Variants in INPP5A observed in about 807,000 individuals in gnomAD.
INPP5A encodes the protein inositol polyphosphate-5-phosphatase A.
Under a neutral mutation model 65.2 loss-of-function variants are expected in INPP5A, and 14 were observed. That is an observed-to-expected ratio of 0.21 (90% CI 0.14 to 0.34). The LOEUF is 0.34. Among genes scored for constraint, INPP5A ranks in the 10% least tolerant of loss-of-function variants. INPP5A has a pLI of 1.00. For synonymous variants in INPP5A, 207 were observed against 208.3 expected, an observed-to-expected ratio of 0.99 and a Z score of 0.05; for missense variants, 431 against 545.6, an observed-to-expected ratio of 0.79 and a Z score of 2.09.
At chr10:132,595,780 C>G (rs2071678297) in intron 1 of INPP5A, among the ~76,000 whole-genome samples, 2 of 152,154 alleles carry the variant, frequency 1.3e-5, no homozygotes, top group African/African-American at 4.8e-5. Flanking sequence ...TTGTAATTCT[C>G]TTATAAATGA....
chr10:132,739,261 A>C, intron 9 of INPP5A, among the ~76,000 whole-genome samples: 1 of 146,048 alleles, frequency 6.8e-6, no homozygotes, highest in Non-Finnish European at 1.6e-5. Flanking sequence ...GAGCATGGGC[A>C]CGTGCCCCCG....
intron 8 of INPP5A, among the ~76,000 whole-genome samples, chr10:132,715,464 T>C (rs923241271): frequency 6.6e-6 from 1 of 152,220 alleles, no homozygotes; most frequent in Non-Finnish European, 1.5e-5. Context: ...AAGGAAATGA[T>C]TGCCAGAAAA....
intron 1 of INPP5A, among the ~76,000 whole-genome samples, chr10:132,544,198 G>T (rs1280598988): frequency 6.6e-6 from 1 of 152,234 alleles, no homozygotes; most frequent in Non-Finnish European, 1.5e-5. Context: ...ATCTCTGTGT[G>T]GGTGCCCACT....
In INPP5A at chr10:132,726,779, G is replaced by A. The variant is rs757801842; in HGVS notation, c.648-42G>A. On this transcript the variant is annotated intron_variant, in intron 8 of 15. Transcript: ENST00000368594. ...CCGGGGCCGGGCATGAGGGCTGGCC[G>A]GCTTCAGCGCCCTCGGTAACAAGTC... 1.9e-5 allele frequency: 28 copies of A among 1,462,784 alleles called. No homozygotes were observed. The Admixed American group carries it at 3.9e-4, about 20-fold the overall frequency. 90.6% of individuals were successfully genotyped at this position (1,462,784 alleles called of 1,614,324 possible).
intron 2 of INPP5A, among the ~76,000 whole-genome samples, chr10:132,621,784 C>CTTT (rs566285891): frequency 6.0e-4 from 82 of 136,180 alleles, no homozygotes; most frequent in African/African-American, 1.6e-3. Context: ...GGGGGTATGT[C>CTTT]TTTTTTTTTT....
At chr10:132,731,745 G>A (rs1846090544) in intron 9 of INPP5A, among the ~76,000 whole-genome samples, 1 of 152,182 alleles carries the variant, frequency 6.6e-6, no homozygotes, top group South Asian at 2.1e-4. Flanking sequence ...GTTTCCTCCA[G>A]TGCGGGTTTC....
intron 4 of INPP5A, among the ~76,000 whole-genome samples, chr10:132,662,086 C>A (rs904661492): frequency 2.0e-5 from 3 of 152,208 alleles, no homozygotes; most frequent in African/African-American, 7.2e-5. Context: ...GGACTTCTTT[C>A]TTTAAATATG....
intron 8 of INPP5A, among the ~76,000 whole-genome samples, chr10:132,723,564 G>A (rs1413389289): frequency 1.3e-5 from 2 of 148,520 alleles, no homozygotes; most frequent in African/African-American, 5.0e-5. Flanking sequence ...GCCGTGTGGG[G>A]ATTGGCCATG....
intron 12 of INPP5A, among the ~76,000 whole-genome samples, chr10:132,770,325 G>C (rs895337279): frequency 6.6e-6 from 1 of 152,262 alleles, no homozygotes; most frequent in African/African-American, 2.4e-5. Flanking sequence ...TCCTGTTGCA[G>C]CTTCCGGAAT....
At chr10:132,731,058 C>G (rs1232608772) in intron 9 of INPP5A, among the ~76,000 whole-genome samples, 1 of 152,198 alleles carries the variant, frequency 6.6e-6, no homozygotes, top group South Asian at 2.1e-4. Context: ...TCCCTGTTCT[C>G]GGAACCACAG....
intron 8 of INPP5A, among the ~76,000 whole-genome samples, chr10:132,711,703 C>T (rs1333971615): frequency 2.6e-5 from 4 of 152,346 alleles, no homozygotes; most frequent in South Asian, 2.1e-4. Flanking sequence ...CTTCTGTTCC[C>T]GGGGCCGGTT....
In INPP5A at chr10:132,770,076, C is replaced by G. The variant is rs1001079340; in HGVS notation, c.977+4230C>G. ...TCACGAAACCCCATGTAGAACAGGG[C>G]TGGCGAGGGCGGCGCCTCTGGAACC... On this transcript the variant is annotated intron_variant, in intron 12 of 15. Transcript: ENST00000368594. Among the ~76,000 whole-genome samples the G allele has an allele frequency of 3.3e-5, 5 of 152,214 alleles. 1 individual carries two copies. The highest frequency in any genetic ancestry group is 7.2e-5 in the African/African-American group (3 of 41,458).
chr10:132,721,102 G>C, intron 8 of INPP5A, among the ~76,000 whole-genome samples: 1 of 150,950 alleles, frequency 6.6e-6, no homozygotes, highest in African/African-American at 2.4e-5. Flanking sequence ...CTGCCTGGAG[G>C]AGCCTTAGAC....
At chr10:132,638,059 G>C (rs997864315) in intron 2 of INPP5A, among the ~76,000 whole-genome samples, 1 of 152,140 alleles carries the variant, frequency 6.6e-6, no homozygotes, top group African/African-American at 2.4e-5. Flanking sequence ...GCAGTGATTG[G>C]GGTCTGGGAG....
chr10:132,670,566 T>C (rs1228133232), intron 4 of INPP5A, among the ~76,000 whole-genome samples: 2 of 150,762 alleles, frequency 1.3e-5, no homozygotes, highest in Non-Finnish European at 3.0e-5. Context: ...CCCTCCTTGC[T>C]GGGGGGAGAG....
In INPP5A at chr10:132,636,142, A is replaced by G. The variant is rs577318762; in HGVS notation, c.118-9726A>G. Among the ~76,000 whole-genome samples the G allele has an allele frequency of 2.8e-3, 424 of 148,850 alleles. 1 individual carries two copies. Among genetic ancestry groups the G allele is most frequent in the African/African-American group, 0.01 (413 of 40,156 alleles). ...CAGTTGGAAATATTATTTCAAAAAA[A>G]TGCTTTATTGGATAAACAAAATGTG... On this transcript the variant is annotated intron_variant, in intron 2 of 15. Coordinates refer to ENST00000368594, the MANE Select transcript of INPP5A (RefSeq NM_005539.5).
intron 4 of INPP5A, among the ~76,000 whole-genome samples, chr10:132,672,230 C>T (rs1430599992): frequency 1.3e-5 from 2 of 152,124 alleles, no homozygotes; most frequent in African/African-American, 4.8e-5. Context: ...AAGATTTATT[C>T]ACTTCATATC....
At chr10:132,662,269 C>T (rs1222951003) in intron 4 of INPP5A, among the ~76,000 whole-genome samples, 3 of 152,228 alleles carry the variant, frequency 2.0e-5, no homozygotes, top group South Asian at 2.1e-4. Context: ...ATACACACAC[C>T]GTATCACCCA....
chr10:132,617,766 C>T (rs1271526858), intron 2 of INPP5A, among the ~76,000 whole-genome samples: 8 of 152,230 alleles, frequency 5.3e-5, no homozygotes, highest in Admixed American at 4.6e-4. Context: ...AAAGGATAAA[C>T]ATTCTTTCCT....
Sources: gnomAD v4.1 joint callset for allele counts (sites outside exome capture counted in the v4.1 genomes callset) on GRCh38, gnomAD v4.1.1 for gene constraint, MANE v1.5 for transcripts, NCBI Gene and HGNC (gene_info 2026-07-23, HGNC 2026-07-21) for gene names.